ERC2: variants seen among roughly 807,000 people sequenced by gnomAD.
ERC2 encodes the protein ERC protein 2.
In ERC2, 42 loss-of-function variants were observed where a neutral mutation model predicts 114.8. The ratio of observed to expected loss-of-function variants is 0.37; its 90% CI spans 0.29 to 0.47. ERC2 has a LOEUF of 0.47. Among genes scored for constraint, ERC2 ranks in the 20% least tolerant of loss-of-function variants. The pLI, the probability that ERC2 is intolerant of heterozygous loss-of-function variation, is 0.99. For missense variants in ERC2, 939 were observed against 1,150.7 expected, an observed-to-expected ratio of 0.82 and a Z score of 2.66; for synonymous variants, 454 against 425.5, an observed-to-expected ratio of 1.07 and a Z score of -0.82.
chr3:55,905,945 T>G (rs1406729030), intron 13 of ERC2, among the ~76,000 whole-genome samples: 2 of 152,170 alleles, frequency 1.3e-5, no homozygotes, highest in African/African-American at 4.8e-5. Flanking sequence ...CAGCTCCAAG[T>G]TGGATTTCCT....
At chr3:56,456,744 T>C (rs991498302) in intron 1 of ERC2, among the ~76,000 whole-genome samples, 2 of 152,222 alleles carry the variant, frequency 1.3e-5, no homozygotes, top group African/African-American at 4.8e-5. Flanking sequence ...TTTCCACTTA[T>C]AAATTAATGA....
intron 8 of ERC2, among the ~76,000 whole-genome samples, chr3:56,011,334 C>G (rs937870279): frequency 2.6e-5 from 4 of 152,128 alleles, no homozygotes; most frequent in African/African-American, 9.7e-5. Flanking sequence ...ATCACAAGCG[C>G]AAGGGCAGAT....
At chr3:56,249,833 T>G (rs1286416088) in intron 3 of ERC2, among the ~76,000 whole-genome samples, 1 of 147,196 alleles carries the variant, frequency 6.8e-6, no homozygotes, top group South Asian at 2.2e-4. Context: ...TAAACCACAC[T>G]CACAAAATCT....
At chr3:55,748,030 G>C (rs894607386) in intron 14 of ERC2, among the ~76,000 whole-genome samples, 3 of 152,214 alleles carry the variant, frequency 2.0e-5, no homozygotes, top group African/African-American at 7.2e-5. Context: ...GCTGCAGAAG[G>C]AAAGGGTCTG....
rs190767991 is a variant in ERC2, at chr3:55,530,142, C to T, written c.*40-18866G>A. Among the ~76,000 whole-genome samples the T allele has an allele frequency of 4.9e-4, 74 of 152,334 alleles. 1 individual carries two copies. The highest frequency in any genetic ancestry group is 6.9e-4 in the Non-Finnish European group (47 of 68,022). On this transcript the variant is annotated intron_variant, in intron 17 of 17. Transcript: ENST00000288221. The stretch of plus-strand genomic sequence containing the variant: ...GTTTTCCTGCAACTGCAATGCTGAG[C>T]TGCCTCTGCCATCTTATTTAATTCA...
intron 10 of ERC2, among the ~76,000 whole-genome samples, chr3:55,996,211 C>T (rs1478704684): frequency 6.6e-6 from 1 of 152,092 alleles, no homozygotes; most frequent in African/African-American, 2.4e-5. Flanking sequence ...GAAGGCTTGC[C>T]CTTTCTATAC....
intron 2 of ERC2, chr3:56,433,684 G>T (rs2061893047): frequency 6.6e-6 from 1 of 152,506 alleles, no homozygotes; most frequent in Admixed American, 6.5e-5. Flanking sequence ...TAGACACCAG[G>T]AACCTGTTTT....
intron 14 of ERC2, among the ~76,000 whole-genome samples, chr3:55,760,105 A>G (rs2067328598): frequency 1.3e-5 from 2 of 152,206 alleles, no homozygotes; most frequent in Non-Finnish European, 2.9e-5. Context: ...TACTTTTCTA[A>G]TGGCTGAAAA....
intron 6 of ERC2, among the ~76,000 whole-genome samples, chr3:56,123,513 A>G (rs532190884): frequency 6.6e-6 from 1 of 152,254 alleles, no homozygotes; most frequent in African/African-American, 2.4e-5. Context: ...ATAACAGCCT[A>G]AAGGGACTGT....
intron 10 of ERC2, among the ~76,000 whole-genome samples, chr3:55,992,759 T>A (rs1295705029): frequency 6.6e-6 from 1 of 152,214 alleles, no homozygotes; most frequent in African/African-American, 2.4e-5. Context: ...GAACATGTCA[T>A]TCCACTGAGA....
chr3:55,994,515 G>T (rs1354535407), intron 10 of ERC2, among the ~76,000 whole-genome samples: 1 of 151,798 alleles, frequency 6.6e-6, no homozygotes, highest in Admixed American at 6.6e-5. Context: ...GACAAACACG[G>T]GGGGAGATAT....
At chr3:56,044,953 T>C (rs2075383703) in intron 7 of ERC2, among the ~76,000 whole-genome samples, 1 of 152,204 alleles carries the variant, frequency 6.6e-6, no homozygotes. Context: ...TGCTAAATGT[T>C]CTGTCCCCTA....
intron 6 of ERC2, among the ~76,000 whole-genome samples, chr3:56,122,421 G>A (rs531051174): frequency 1.3e-5 from 2 of 152,068 alleles, no homozygotes; most frequent in African/African-American, 2.4e-5. Flanking sequence ...AGATGCAAGA[G>A]GGATTTATTC....
intron 2 of ERC2, among the ~76,000 whole-genome samples, chr3:56,327,192 C>T (rs1397808636): frequency 2.0e-5 from 3 of 152,228 alleles, no homozygotes; most frequent in Non-Finnish European, 4.4e-5. Context: ...GTTTGATTGA[C>T]TCACAGTTTA....
At chr3:56,098,947 C>T (rs1190621581) in intron 6 of ERC2, among the ~76,000 whole-genome samples, 2 of 152,142 alleles carry the variant, frequency 1.3e-5, no homozygotes, top group Admixed American at 6.5e-5. Flanking sequence ...GAATGGTGGT[C>T]CCCAAATAGA....
chr3:55,828,710 A>G (rs55694654), intron 14 of ERC2, among the ~76,000 whole-genome samples: 12,492 of 152,116 alleles, frequency 0.082, 772 homozygotes, highest in African/African-American at 0.17. Context: ...AACTTAATGG[A>G]CACTGAGACA....
chr3:56,457,834 C>A (rs948514610), intron 1 of ERC2, among the ~76,000 whole-genome samples: 1 of 152,166 alleles, frequency 6.6e-6, no homozygotes, highest in Non-Finnish European at 1.5e-5. Context: ...TCCATTTACC[C>A]TTCAGTGACA....
intron 17 of ERC2, among the ~76,000 whole-genome samples, chr3:55,574,734 G>T (rs142208696): frequency 6.6e-6 from 1 of 152,312 alleles, no homozygotes; most frequent in African/African-American, 2.4e-5. Context: ...TACCATGACT[G>T]AGAAGGCTCG....
At chr3:56,052,446 T>C (rs2075817978) in intron 7 of ERC2, among the ~76,000 whole-genome samples, 1 of 152,238 alleles carries the variant, frequency 6.6e-6, no homozygotes, top group African/African-American at 2.4e-5. Flanking sequence ...ACAGAATTTA[T>C]TGAAACCCAG....
Sources: gnomAD v4.1 joint callset for allele counts (sites outside exome capture counted in the v4.1 genomes callset) on GRCh38, gnomAD v4.1.1 for gene constraint, MANE v1.5 for transcripts, NCBI Gene and HGNC (gene_info 2026-07-23, HGNC 2026-07-21) for gene names.